Variants in RALY observed in about 807,000 individuals in gnomAD.
The protein encoded by RALY is RNA-binding protein Raly.
In RALY, 15 loss-of-function variants were observed where a neutral mutation model predicts 30.7. The ratio of observed to expected loss-of-function variants is 0.49; its 90% CI spans 0.33 to 0.75. RALY has a LOEUF of 0.75. RALY is among the 30% of genes least tolerant of loss of function. The pLI, the probability that RALY is intolerant of heterozygous loss-of-function variation, is 0.02. For synonymous variants in RALY, 177 were observed against 170.8 expected (o/e 1.04, Z -0.28); for missense variants, 339 against 414.3 (o/e 0.82, Z 1.58).
intron 2 of RALY, among the ~76,000 whole-genome samples, chr20:34,066,169 C>CTTTTTTTTT (rs200689368): frequency 7.9e-6 from 1 of 126,522 alleles, no homozygotes; most frequent in African/African-American, 3.1e-5. Flanking sequence ...TGCTGATCCT[C>CTTTTTTTTT]TTTTTTTTTT....
intron 1 of RALY, among the ~76,000 whole-genome samples, chr20:34,012,687 A>C (rs191825164): frequency 5.3e-5 from 8 of 152,304 alleles, no homozygotes; most frequent in Non-Finnish European, 7.3e-5. Flanking sequence ...AGACATCTTG[A>C]AACTGTCCCC....
intron 1 of RALY, chr20:34,016,486 T>C (rs2031612988): frequency 6.6e-6 from 1 of 152,380 alleles, no homozygotes; most frequent in African/African-American, 2.4e-5. Flanking sequence ...AGCTACTGCA[T>C]GTGTTCCAAA....
chr20:34,063,660 C>A, intron 2 of RALY, among the ~76,000 whole-genome samples: 1 of 152,188 alleles, frequency 6.6e-6, no homozygotes, highest in East Asian at 1.9e-4. Flanking sequence ...AAGCAGGAGA[C>A]AGCAGTGAAG....
intron 2 of RALY, among the ~76,000 whole-genome samples, chr20:34,060,805 C>A (rs147306493): frequency 4.7e-4 from 72 of 152,256 alleles, no homozygotes; most frequent in African/African-American, 1.6e-3. Context: ...CTGAGTTATG[C>A]TGAAAGAAAA....
intron 1 of RALY, among the ~76,000 whole-genome samples, chr20:34,026,493 C>T (rs1568663150): frequency 6.6e-6 from 1 of 151,718 alleles, no homozygotes; most frequent in African/African-American, 2.4e-5. Flanking sequence ...AGCTCCGCCT[C>T]CCGGGTTCAC....
chr20:34,040,588 A>T (rs1202733101), intron 2 of RALY, among the ~76,000 whole-genome samples: 1 of 152,118 alleles, frequency 6.6e-6, no homozygotes, highest in African/African-American at 2.4e-5. Context: ...CCTACCTATC[A>T]TGTGAATCAC....
intron 2 of RALY, among the ~76,000 whole-genome samples, chr20:34,052,573 T>C (rs1019198022): frequency 1.3e-5 from 2 of 152,234 alleles, no homozygotes; most frequent in African/African-American, 4.8e-5. Context: ...AGCATCAAGC[T>C]TTCTGTTTTG....
chr20:34,058,037 A>T (rs1356741704), intron 2 of RALY, among the ~76,000 whole-genome samples: 1 of 151,906 alleles, frequency 6.6e-6, no homozygotes, highest in African/African-American at 2.4e-5. Context: ...TTTTCTTTTA[A>T]CCAGTTGCAG....
chr20:34,010,570 C>T (rs1294336583), intron 1 of RALY, among the ~76,000 whole-genome samples: 1 of 152,128 alleles, frequency 6.6e-6, no homozygotes, highest in African/African-American at 2.4e-5. Flanking sequence ...CAGAAAGTCA[C>T]CTGCTGGTTC....
Position 34,081,691 on chromosome 20 carries a change from G to GC in RALY, c.*1789dup, listed in dbSNP as rs1463968902. 1 of 152,304 alleles carries GC rather than the reference G, an allele frequency of 6.6e-6. No homozygotes were observed. The highest frequency in any genetic ancestry group is 1.5e-5 in the Non-Finnish European group (1 of 68,116). 9.4% of individuals were successfully genotyped at this position (152,304 alleles called of 1,614,324 possible). On this transcript the variant is annotated 3_prime_UTR_variant, in exon 10 of 10. Transcript: ENST00000246194. The stretch of plus-strand genomic sequence containing the variant: ...ACCGGGAAGTCTCTCTCACTGAGCA[G>GC]CCCTCCTGCCTGTCATCCTGGGCAG...
rs941639838 is a variant in RALY at position 34,066,834 on chromosome 20, A to G, written c.-9-5232A>G. ...AACACACAGATTTGGTGGAGGAGGCACATTCATACCATAAGAGATATAAAC... is the reference window on the plus strand; with the variant it reads ...AACACACAGATTTGGTGGAGGAGGCGCATTCATACCATAAGAGATATAAAC... On this transcript the variant is annotated intron_variant, in intron 2 of 9. Transcript: ENST00000246194. Among the ~76,000 whole-genome samples, 7 of 152,310 alleles carry G rather than the reference A, an allele frequency of 4.6e-5. No homozygotes were observed. In the South Asian group the frequency reaches 1.2e-3, roughly 27 times the overall value.
rs79046432 is a variant in RALY, at chr20:34,012,345, T to G, written c.-93+18214T>G. 1.9e-3 allele frequency among the ~76,000 whole-genome samples: 286 copies of G among 152,318 alleles called. 10 individuals carry two copies. In the East Asian group the frequency reaches 0.05, roughly 27 times the overall value. On this transcript the variant is annotated intron_variant, in intron 1 of 9. Coordinates refer to ENST00000246194, the MANE Select transcript of RALY (RefSeq NM_016732.3). ...TTCTGTCACTAGCATCAGATTGACC[T>G]TATTTTATTTTTTTTGCCTAGAAAG...
intron 1 of RALY, among the ~76,000 whole-genome samples, chr20:34,027,068 A>G (rs2032071324): frequency 6.6e-6 from 1 of 152,178 alleles, no homozygotes. Context: ...TAAGGTCACA[A>G]TCTTACGGAG....
intron 1 of RALY, among the ~76,000 whole-genome samples, chr20:34,000,497 G>A (rs549722084): frequency 1.3e-5 from 2 of 152,312 alleles, no homozygotes; most frequent in South Asian, 4.1e-4. Context: ...TGTTTCCACA[G>A]CCTTGCCTTA....
chr20:34,001,821 C>T (rs1158047424), intron 1 of RALY, among the ~76,000 whole-genome samples: 1 of 152,058 alleles, frequency 6.6e-6, no homozygotes, highest in Non-Finnish European at 1.5e-5. Context: ...GGCTGGAGTG[C>T]AGTGGCATGA....
intron 1 of RALY, among the ~76,000 whole-genome samples, chr20:34,028,535 T>G (rs2032132938): frequency 6.6e-6 from 1 of 151,412 alleles, no homozygotes; most frequent in Non-Finnish European, 1.5e-5. Context: ...AAACCCCGTC[T>G]GTACTAAAAA....
intron 1 of RALY, among the ~76,000 whole-genome samples, chr20:34,012,467 T>G (rs533153438): frequency 7.3e-4 from 73 of 99,340 alleles, no homozygotes; most frequent in African/African-American, 2.0e-3. Context: ...TTCTTTTTCC[T>G]TTCCTCCGCC....
chr20:34,067,395 A>C (rs1397821578), intron 2 of RALY, among the ~76,000 whole-genome samples: 1 of 151,644 alleles, frequency 6.6e-6, no homozygotes, highest in Admixed American at 6.6e-5. Flanking sequence ...TGAACTCCTA[A>C]CCTCAAGTGA....
chr20:34,016,528 A>G (rs1268030899), intron 1 of RALY: 4 of 152,228 alleles, frequency 2.6e-5, no homozygotes, highest in Admixed American at 1.3e-4. Flanking sequence ...ATAGAAACTG[A>G]TGTTTTTAAT....
Sources: gnomAD v4.1 joint callset for allele counts (sites outside exome capture counted in the v4.1 genomes callset) on GRCh38, gnomAD v4.1.1 for gene constraint, MANE v1.5 for transcripts, NCBI Gene and HGNC (gene_info 2026-07-23, HGNC 2026-07-21) for gene names.